The following CDC42BPB variants were observed in gnomAD, a reference collection of about 807,000 sequenced individuals.
CDC42BPB encodes the protein CDC42 binding protein kinase beta, also known as serine/threonine-protein kinase MRCK beta.
Under a neutral mutation model 214.9 loss-of-function variants are expected in CDC42BPB, and 37 were observed. That is an observed-to-expected ratio of 0.17 (90% CI 0.13 to 0.23). CDC42BPB has a LOEUF of 0.23. Ranked by LOEUF, CDC42BPB falls within the 10% of genes least tolerant of loss-of-function variation. The probability of loss-of-function intolerance (pLI) is 1.00; values close to 1 mark genes in which losing one functional copy is unlikely to be tolerated. For missense variants in CDC42BPB, 1,694 were observed against 2,227.0 expected, an observed-to-expected ratio of 0.76 and a Z score of 4.82; for synonymous variants, 931 against 884.0, an observed-to-expected ratio of 1.05 and a Z score of -0.94.
chr14:103,039,395 G>A (rs1414343673), intron 1 of CDC42BPB, among the ~76,000 whole-genome samples: 2 of 149,994 alleles, frequency 1.3e-5, no homozygotes, highest in East Asian at 3.9e-4. Flanking sequence ...ACTAGCAAAC[G>A]AAATTCACAA....
chr14:102,940,191 G>A, intron 31 of CDC42BPB, 36 bp downstream of exon 31: 7 of 1,612,346 alleles, frequency 4.3e-6, no homozygotes, highest in Non-Finnish European at 5.9e-6. Flanking sequence ...ACCGGGAGAA[G>A]CCCGCCCGCA....
intron 1 of CDC42BPB, among the ~76,000 whole-genome samples, chr14:103,032,555 AAGG>A (rs1566916218): frequency 6.7e-6 from 1 of 150,248 alleles, no homozygotes; most frequent in Non-Finnish European, 1.5e-5. Context: ...AAAAAAAAAA[AAGG>A]AGAGAGAAAG....
chr14:102,987,790 C>CACACACAA (rs1894314264), intron 5 of CDC42BPB, among the ~76,000 whole-genome samples: 1 of 135,492 alleles, frequency 7.4e-6, no homozygotes, highest in Non-Finnish European at 1.5e-5. Flanking sequence ...AACACACAAA[C>CACACACAA]ACACACACAC....
chr14:103,037,346 A>G (rs1056736651), intron 1 of CDC42BPB, among the ~76,000 whole-genome samples: 4 of 151,966 alleles, frequency 2.6e-5, no homozygotes, highest in Non-Finnish European at 5.9e-5. Context: ...AGGCTGGAGT[A>G]CAGTGGCACA....
chr14:103,012,026 A>C, intron 2 of CDC42BPB, 71 bp downstream of exon 2: 1 of 978,078 alleles, frequency 1.0e-6, no homozygotes, highest in South Asian at 1.3e-5. Flanking sequence ...ATAGGTGCAC[A>C]AAAAGGTGAA....
intron 4 of CDC42BPB, among the ~76,000 whole-genome samples, chr14:103,000,185 A>G (rs1314558243): frequency 6.6e-6 from 1 of 152,266 alleles, no homozygotes; most frequent in African/African-American, 2.4e-5. Flanking sequence ...AAAGAGCCGA[A>G]AGATAATTAC....
intron 1 of CDC42BPB, among the ~76,000 whole-genome samples, chr14:103,034,607 T>C (rs971672041): frequency 2.6e-5 from 4 of 151,942 alleles, no homozygotes; most frequent in Non-Finnish European, 5.9e-5. Context: ...TCACCTGAGG[T>C]TGGGAGTTCG....
chr14:102,978,921 T>C (rs1382149778), intron 8 of CDC42BPB, among the ~76,000 whole-genome samples: 9 of 152,114 alleles, frequency 5.9e-5, no homozygotes, highest in African/African-American at 2.2e-4. Flanking sequence ...GCACGAGACT[T>C]GATTGAATAT....
intron 17 of CDC42BPB, 148 bp from the exon 18 acceptor site, chr14:102,966,535 G>T: frequency 1.4e-6 from 2 of 1,431,884 alleles, no homozygotes; most frequent in South Asian, 2.9e-5. Context: ...TGTATACACG[G>T]GATCTCATTG....
chr14:102,944,525 C>G lies in CDC42BPB; in HGVS notation c.3812-38G>C, dbSNP rs2139364755. 1.3e-6 allele frequency: 2 copies of G among 1,583,248 alleles called. No homozygotes were observed. Among genetic ancestry groups the G allele is most frequent in the Non-Finnish European group, 8.6e-7 (1 of 1,162,774 alleles). On this transcript the variant is annotated intron_variant, in intron 29 of 36. Coordinates refer to ENST00000361246, the MANE Select transcript of CDC42BPB (RefSeq NM_006035.4). The surrounding 1 kb of genome is among the most constrained non-coding windows in gnomAD (Gnocchi z 6.6). Reference sequence around the variant, plus strand: ...GGACAAGAGCGTGAGGCCGACGGGACAGCCAGCAGCTCCCAGGGGCTGACG... The same window carrying G: ...GGACAAGAGCGTGAGGCCGACGGGAGAGCCAGCAGCTCCCAGGGGCTGACG...
At chr14:103,055,957 C>T (rs1245721932) in intron 1 of CDC42BPB, among the ~76,000 whole-genome samples, 1 of 152,226 alleles carries the variant, frequency 6.6e-6, no homozygotes, top group Non-Finnish European at 1.5e-5. Context: ...CCTGAACATA[C>T]GCATTTCCTC....
At chr14:102,960,965 C>T (rs1011923486) in intron 20 of CDC42BPB, among the ~76,000 whole-genome samples, 3 of 152,008 alleles carry the variant, frequency 2.0e-5, no homozygotes, top group African/African-American at 7.2e-5. Flanking sequence ...TCAAGACCAG[C>T]CTGGGAAATA....
intron 1 of CDC42BPB, among the ~76,000 whole-genome samples, chr14:103,028,630 C>T (rs1389810211): frequency 9.2e-5 from 14 of 152,206 alleles, no homozygotes; most frequent in Non-Finnish European, 7.3e-5. Context: ...GCACAGCTGG[C>T]GCTCAACAGG....
Position 102,945,651 on chromosome 14 carries a change from T to G in CDC42BPB, c.3811+11A>C. On this transcript the variant is annotated intron_variant, in intron 29 of 36. Coordinates refer to ENST00000361246, the MANE Select transcript of CDC42BPB (RefSeq NM_006035.4). ...GTGACATCCCAGGCTGGAAACGCCC[T>G]GCTCACTCACCATCTCGGGTGACCT... The G allele has an allele frequency of 6.2e-7, 1 of 1,612,082 alleles. No individual in the cohort carries two copies. Among genetic ancestry groups the G allele is most frequent in the Non-Finnish European group, 8.5e-7 (1 of 1,179,302 alleles).
rs1892343568 is a variant in CDC42BPB at position 102,948,846 on chromosome 14, G to A, written c.3449+919C>T. 2.0e-5 allele frequency among the ~76,000 whole-genome samples: 3 copies of A among 152,132 alleles called. No individual in the cohort carries two copies. The South Asian group carries it at 6.2e-4, about 32-fold the overall frequency. On this transcript the variant is annotated intron_variant, in intron 26 of 36. Transcript: ENST00000361246. ...CATGCCAACTTTTCGTCTACCAGTG[G>A]CCCTTCACCACCAGGCCAGGGGCAC...
chr14:102,935,031 A>AG (rs1488044485), intron 36 of CDC42BPB, among the ~76,000 whole-genome samples: 187 of 151,418 alleles, frequency 1.2e-3, no homozygotes, highest in African/African-American at 4.3e-3. Flanking sequence ...AAAAAAAAAG[A>AG]AAAAAAGAAA....
chr14:102,941,279 C>A (rs545051260), intron 30 of CDC42BPB: 6 of 985,446 alleles, frequency 6.1e-6, no homozygotes, highest in Non-Finnish European at 7.2e-6. Flanking sequence ...CTTCTGCCTC[C>A]GGAGTTCAAG....
At chr14:102,946,427 G>C (rs1338811135) in intron 28 of CDC42BPB, 41 bp downstream of exon 28, 1 of 1,607,342 alleles carries the variant, frequency 6.2e-7, no homozygotes. Context: ...CGGAAGTGCT[G>C]TTGCTTCAGA....
At chr14:103,025,964 A>C (rs1414892246) in intron 1 of CDC42BPB, among the ~76,000 whole-genome samples, 1 of 152,206 alleles carries the variant, frequency 6.6e-6, no homozygotes, top group Non-Finnish European at 1.5e-5. Context: ...AATGGGGGAA[A>C]ACAGCATCTT....
Sources: gnomAD v4.1 joint callset for allele counts (sites outside exome capture counted in the v4.1 genomes callset) on GRCh38, gnomAD v4.1.1 for gene constraint, Gnocchi (gnomAD v3.1) non-coding constraint, MANE v1.5 for transcripts, NCBI Gene and HGNC (gene_info 2026-07-23, HGNC 2026-07-21) for gene names.